The following TSHZ1 variants were observed in gnomAD, a reference collection of about 807,000 sequenced individuals.
TSHZ1 encodes teashirt homolog 1.
A neutral mutation model predicts 67.1 loss-of-function variants in TSHZ1; 12 were observed. The ratio of observed to expected loss-of-function variants is 0.18; its 90% confidence interval spans 0.11 to 0.29. The LOEUF is 0.29. TSHZ1 is among the 10% of genes least tolerant of loss of function. TSHZ1 has a pLI of 1.00. For missense variants in TSHZ1, 1,305 were observed against 1,413.9 expected (o/e 0.92, Z 1.23); for synonymous variants, 632 against 622.4 (o/e 1.02, Z -0.23).
chr18:75,218,203 G>C (rs1470020103), intron 1 of TSHZ1, among the ~76,000 whole-genome samples: 2 of 152,250 alleles, frequency 1.3e-5, no homozygotes, highest in Non-Finnish European at 2.9e-5. Context: ...CAGATGAACA[G>C]GGCGAGGGAC....
intron 1 of TSHZ1, among the ~76,000 whole-genome samples, chr18:75,212,821 C>G (rs1332382843): frequency 6.6e-6 from 1 of 152,186 alleles, no homozygotes; most frequent in Non-Finnish European, 1.5e-5. Context: ...GGTCAGCTGC[C>G]GTGCGTTTTT....
chr18:75,258,008 A>C (rs11873023), intron 1 of TSHZ1, among the ~76,000 whole-genome samples: 90,983 of 152,054 alleles, frequency 0.6, 27,305 homozygotes, highest in South Asian at 0.7. Flanking sequence ...GGAAGAGAGG[A>C]ATTCCCGGCC....
At chr18:75,212,525 G>A (rs1440763318) in intron 1 of TSHZ1, among the ~76,000 whole-genome samples, 1 of 152,118 alleles carries the variant, frequency 6.6e-6, no homozygotes, top group Non-Finnish European at 1.5e-5. Flanking sequence ...ACTGGCAGGA[G>A]CTGGTTTTCC....
intron 1 of TSHZ1, among the ~76,000 whole-genome samples, chr18:75,274,525 T>G (rs2023594309): frequency 6.6e-6 from 1 of 152,184 alleles, no homozygotes. Context: ...AATAAGCATT[T>G]CTACAAATAT....
intron 1 of TSHZ1, among the ~76,000 whole-genome samples, chr18:75,227,028 C>G (rs139381997): frequency 0.027 from 4,153 of 152,254 alleles, 87 homozygotes; most frequent in Non-Finnish European, 0.042. Flanking sequence ...GTAGGGACAC[C>G]CCATGGAGTC....
intron 1 of TSHZ1, among the ~76,000 whole-genome samples, chr18:75,234,020 C>G (rs2082090575): frequency 6.6e-6 from 1 of 152,178 alleles, no homozygotes; most frequent in African/African-American, 2.4e-5. Context: ...GAGGGCCACA[C>G]TGGAGGCTTT....
At chr18:75,256,039 A>T (rs1216620967) in intron 1 of TSHZ1, among the ~76,000 whole-genome samples, 1 of 152,250 alleles carries the variant, frequency 6.6e-6, no homozygotes, top group Non-Finnish European at 1.5e-5. Context: ...ATGCATAAAG[A>T]CACTCAAATG....
At chr18:75,237,638 T>A (rs1372205096) in intron 1 of TSHZ1, among the ~76,000 whole-genome samples, 2 of 152,202 alleles carry the variant, frequency 1.3e-5, no homozygotes, top group African/African-American at 2.4e-5. Context: ...TTTCTGTTTT[T>A]CTCTTGCCAG....
At chr18:75,267,246 C>T (rs1468196765) in intron 1 of TSHZ1, among the ~76,000 whole-genome samples, 2 of 152,122 alleles carry the variant, frequency 1.3e-5, no homozygotes, top group African/African-American at 2.4e-5. Context: ...CGTCTTTTTC[C>T]GAGTTGAAGA....
chr18:75,282,435 G>A (rs1434743150), intron 1 of TSHZ1, among the ~76,000 whole-genome samples: 2 of 152,226 alleles, frequency 1.3e-5, no homozygotes, highest in Non-Finnish European at 2.9e-5. Flanking sequence ...TTTCAGTGTT[G>A]AGAGGAAAGC....
intron 1 of TSHZ1, among the ~76,000 whole-genome samples, chr18:75,240,707 C>A (rs1318141539): frequency 6.6e-6 from 1 of 152,134 alleles, no homozygotes. Context: ...CTGGTTGGTC[C>A]CCCACTTAGT....
chr18:75,244,226 G>A (rs959280751), intron 1 of TSHZ1, among the ~76,000 whole-genome samples: 2 of 152,170 alleles, frequency 1.3e-5, no homozygotes, highest in African/African-American at 4.8e-5. Flanking sequence ...TTTGCTGTCG[G>A]TGGCCCTTCC....
intron 1 of TSHZ1, among the ~76,000 whole-genome samples, chr18:75,273,021 G>A (rs1449728603): frequency 6.6e-6 from 1 of 152,214 alleles, no homozygotes; most frequent in East Asian, 1.9e-4. Flanking sequence ...TGCCACCGAG[G>A]AGGAAGAGAT....
intron 1 of TSHZ1, among the ~76,000 whole-genome samples, chr18:75,271,843 C>T (rs2023561988): frequency 6.6e-6 from 1 of 151,572 alleles, no homozygotes; most frequent in African/African-American, 2.4e-5. Context: ...GGAATTTCCA[C>T]GAAGAAAGAA....
In TSHZ1 at chr18:75,288,111, G is replaced by T. The variant is rs1185276590; in HGVS notation, c.2704G>T (p.Ala902Ser). The change falls in exon 2 of 2, where the codon GCC becomes TCC. Residue 902 changes from alanine (A) to serine (S), a missense_variant. Ala to Ser is a moderately conservative substitution (Grantham distance 99). Transcript: ENST00000580243. This position sits in a 1 kb window ranked among gnomAD's most constrained non-coding sequence, Gnocchi z 4.9. ...CCCGCAGCACCTTCTCATCCTGCAG[G>T]CCCAGTTCGCCTCGAGCTTGCGGGA... Reference protein sequence around the residue: ...WNPQHLLILQAQFASSLRETT... With the variant: ...WNPQHLLILQSQFASSLRETT... 6.2e-7 allele frequency: 1 copy of T among 1,613,580 alleles called. No homozygotes were observed. Among genetic ancestry groups the T allele is most frequent in the South Asian group, 1.1e-5 (1 of 91,084 alleles).
At chr18:75,257,241 GT>G (rs1245184694) in intron 1 of TSHZ1, among the ~76,000 whole-genome samples, 4 of 152,184 alleles carry the variant, frequency 2.6e-5, no homozygotes. Flanking sequence ...GATTTCCCTT[GT>G]TTTGCGGTAA....
Position 75,287,793 on chromosome 18 carries a change from G to A in TSHZ1, c.2386G>A (p.Asp796Asn), listed in dbSNP as rs367753067. Residue 796 changes from aspartate to asparagine, a missense_variant, in exon 2 of 2, where the codon GAT becomes AAT. Physicochemically the swap from Asp to Asn is conservative, Grantham distance 23. Transcript: ENST00000580243. The surrounding 1 kb of genome is among the most constrained non-coding windows in gnomAD (Gnocchi z 5.0). ...VYPATPVKQADAIDRYYYENS... is the reference protein window; with the variant it reads ...VYPATPVKQANAIDRYYYENS... ...CCCCGCCACCCCTGTGAAGCAGGCC[G>A]ATGCCATCGACCGCTACTATTATGA... is the stretch of plus-strand genomic sequence containing the variant. 29 of 1,614,152 alleles carry A rather than the reference G, an allele frequency of 1.8e-5. 1 individual carries two copies. The highest frequency in any genetic ancestry group is 1.6e-4 in the Middle Eastern group (1 of 6,062).
intron 1 of TSHZ1, among the ~76,000 whole-genome samples, chr18:75,240,458 A>C (rs567461430): frequency 6.6e-6 from 1 of 151,956 alleles, no homozygotes; most frequent in Non-Finnish European, 1.5e-5. Context: ...GGGGCCTGTG[A>C]GTACCCAAAG....
At chr18:75,214,954 T>G (rs777097762) in intron 1 of TSHZ1, among the ~76,000 whole-genome samples, 4 of 152,146 alleles carry the variant, frequency 2.6e-5, no homozygotes, top group Non-Finnish European at 1.5e-5. Flanking sequence ...TAGCCTGTAG[T>G]GCAGTATTAA....
Sources: allele counts gnomAD v4.1 joint callset (sites outside exome capture counted in the v4.1 genomes callset), GRCh38; gene constraint gnomAD v4.1.1; non-coding constraint Gnocchi (gnomAD v3.1); transcripts MANE v1.5; gene names NCBI Gene and HGNC (gene_info 2026-07-23, HGNC 2026-07-21).